Variants in FUT9 observed in about 807,000 individuals in gnomAD.
FUT9 encodes the protein fucosyltransferase 9, also known as 4-galactosyl-N-acetylglucosaminide 3-alpha-L-fucosyltransferase 9.
In FUT9, 15 loss-of-function variants were observed where a neutral mutation model predicts 29.7. That is an observed-to-expected ratio of 0.51 (90% confidence interval 0.34 to 0.78). FUT9 has a LOEUF of 0.78. FUT9 is among the 30% of genes least tolerant of loss of function. The pLI is 0.01. For synonymous variants in FUT9, 169 were observed against 153.7 expected, an observed-to-expected ratio of 1.10 and a Z score of -0.74; for missense variants, 319 against 425.4, an observed-to-expected ratio of 0.75 and a Z score of 2.20.
At chr6:96,092,005 A>ATATTTGAT (rs1771419307) in intron 1 of FUT9, among the ~76,000 whole-genome samples, 1 of 152,144 alleles carries the variant, frequency 6.6e-6, no homozygotes. Context: ...ACATAGATAC[A>ATATTTGAT]AAAATGATAT....
At chr6:96,026,536 A>G (rs1394885522) in intron 1 of FUT9, among the ~76,000 whole-genome samples, 1 of 151,710 alleles carries the variant, frequency 6.6e-6, no homozygotes, top group Non-Finnish European at 1.5e-5. Context: ...ATTATAATGT[A>G]TTGTAAATCA....
At chr6:96,146,707 T>G (rs961235712) in intron 2 of FUT9, among the ~76,000 whole-genome samples, 3 of 152,196 alleles carry the variant, frequency 2.0e-5, no homozygotes, top group African/African-American at 7.2e-5. Flanking sequence ...TTTTCCATGT[T>G]ACCAGAAAAC....
intron 2 of FUT9, among the ~76,000 whole-genome samples, chr6:96,171,320 C>T (rs756749713): frequency 9.9e-5 from 15 of 152,162 alleles, no homozygotes; most frequent in Non-Finnish European, 1.8e-4. Context: ...TGCATGAGTA[C>T]GTTGCAGGAG....
At chr6:96,171,755 C>T (rs747058437) in intron 2 of FUT9, among the ~76,000 whole-genome samples, 3 of 152,138 alleles carry the variant, frequency 2.0e-5, no homozygotes, top group Non-Finnish European at 4.4e-5. Context: ...CTACCTTATT[C>T]AAGACTTTCC....
chr6:96,098,725 G>C (rs573161347), intron 1 of FUT9, among the ~76,000 whole-genome samples: 2 of 152,212 alleles, frequency 1.3e-5, no homozygotes, highest in South Asian at 2.1e-4. Flanking sequence ...AATCAATACT[G>C]TTTGGTAGGA....
chr6:96,056,054 C>G (rs1770761581), intron 1 of FUT9, among the ~76,000 whole-genome samples: 1 of 152,052 alleles, frequency 6.6e-6, no homozygotes, highest in South Asian at 2.1e-4. Context: ...TTAAGTTCTA[C>G]TTTTAAAAAA....
chr6:96,214,205 T>G lies in FUT9; in HGVS notation c.*9970T>G, dbSNP rs1487070702. The G allele has an allele frequency of 6.0e-6, 1 of 166,870 alleles. No individual in the cohort carries two copies. The highest frequency in any genetic ancestry group is 1.5e-5 in the Non-Finnish European group (1 of 68,052). The allele number at this position is 166,870 out of a possible 1,614,324, so 10.3% of individuals were successfully genotyped here. ...TACAATTTACTGTATAACAACTTAA[T>G]AGTACAAAGCATGAAGATGTGAAAA... On this transcript the variant is annotated 3_prime_UTR_variant, in exon 3 of 3. Transcript: ENST00000302103.
chr6:96,103,835 A>T (rs971698195), intron 1 of FUT9, among the ~76,000 whole-genome samples: 1 of 152,216 alleles, frequency 6.6e-6, no homozygotes, highest in Admixed American at 6.5e-5. Flanking sequence ...TTTGATATAC[A>T]TATACATAGT....
At chr6:96,185,404 GAAAT>G (rs1239570532) in intron 2 of FUT9, among the ~76,000 whole-genome samples, 2 of 152,058 alleles carry the variant, frequency 1.3e-5, no homozygotes, top group African/African-American at 4.8e-5. Context: ...GGCAGTTGAA[GAAAT>G]AAATAATGAT....
At chr6:96,069,347 A>G (rs1771015200) in intron 1 of FUT9, among the ~76,000 whole-genome samples, 1 of 151,914 alleles carries the variant, frequency 6.6e-6, no homozygotes, top group African/African-American at 2.4e-5. Flanking sequence ...AGACAAGAAA[A>G]GAATCATCTT....
At chr6:96,141,929 A>G (rs1342528878) in intron 2 of FUT9, among the ~76,000 whole-genome samples, 1 of 152,122 alleles carries the variant, frequency 6.6e-6, no homozygotes, top group African/African-American at 2.4e-5. Context: ...TCCAATTCTA[A>G]TTTTATCTCT....
intron 2 of FUT9, among the ~76,000 whole-genome samples, chr6:96,171,376 C>A (rs1773109692): frequency 1.3e-5 from 2 of 152,064 alleles, no homozygotes; most frequent in Admixed American, 6.6e-5. Flanking sequence ...TGGCTTGTAG[C>A]CCAAGAAAAG....
intron 1 of FUT9, among the ~76,000 whole-genome samples, chr6:96,084,114 A>G (rs1771280903): frequency 6.6e-6 from 1 of 152,128 alleles, no homozygotes; most frequent in African/African-American, 2.4e-5. Context: ...ACTATTTTTA[A>G]CAAGAAGGCG....
intron 2 of FUT9, among the ~76,000 whole-genome samples, chr6:96,195,614 G>A (rs560473880): frequency 2.6e-5 from 4 of 152,238 alleles, no homozygotes; most frequent in East Asian, 3.9e-4. Flanking sequence ...TTTTGAAAGC[G>A]CAGTGATGAA....
intron 2 of FUT9, among the ~76,000 whole-genome samples, chr6:96,196,588 T>C (rs1432275879): frequency 6.6e-6 from 1 of 152,098 alleles, no homozygotes; most frequent in African/African-American, 2.4e-5. Context: ...GGTGTGTACC[T>C]GTAATCCCAG....
rs1773839695 is a variant in FUT9, at chr6:96,206,885, T to G, written c.*2650T>G. The G allele has an allele frequency of 6.0e-6, 1 of 167,064 alleles. No individual in the cohort carries two copies. The highest frequency in any genetic ancestry group is 2.4e-5 in the African/African-American group (1 of 41,450). 10.3% of individuals were successfully genotyped at this position (167,064 alleles called of 1,614,324 possible). On this transcript the variant is annotated 3_prime_UTR_variant, in exon 3 of 3. Transcript: ENST00000302103. ...AACTGAAAGACCTAAAGGCAGTGTC[T>G]CTATTGTTGACTACAAATGTAGGCT...
At position 96,089,755 on chromosome 6, in the gene FUT9, T is replaced by C. The variant is rs947785793; in HGVS notation, c.-97-24284T>C. On this transcript the variant is annotated intron_variant, in intron 1 of 2. Transcript: ENST00000302103. ...CACAAAGAAGTAACCAGGCTATGAG[T>C]GGAGAAAAAAGGAATCATAACAGCG... Among the ~76,000 whole-genome samples the C allele has an allele frequency of 3.3e-5, 5 of 151,982 alleles. No homozygotes were observed. The South Asian group carries it at 1.0e-3, about 32-fold the overall frequency.
intron 2 of FUT9, among the ~76,000 whole-genome samples, chr6:96,166,516 C>T (rs9404338): frequency 0.91 from 138,814 of 152,204 alleles, 64,663 homozygotes; most frequent in Non-Finnish European, 1. Flanking sequence ...TAGAGGTTTA[C>T]CATTTTGCCT....
At chr6:96,101,412 G>T (rs976535708) in intron 1 of FUT9, among the ~76,000 whole-genome samples, 1 of 151,802 alleles carries the variant, frequency 6.6e-6, no homozygotes, top group Non-Finnish European at 1.5e-5. Flanking sequence ...TGTTGTGGGG[G>T]CTGGGGGGTG....
Sources: gnomAD v4.1 joint callset for allele counts (sites outside exome capture counted in the v4.1 genomes callset) on GRCh38, gnomAD v4.1.1 for gene constraint, MANE v1.5 for transcripts, NCBI Gene and HGNC (gene_info 2026-07-23, HGNC 2026-07-21) for gene names.